Variants in PDZRN4 observed in about 807,000 individuals in gnomAD.
PDZRN4 encodes the protein PDZ domain-containing RING finger protein 4.
A neutral mutation model predicts 99.0 loss-of-function variants in PDZRN4; 70 were observed. The ratio of observed to expected loss-of-function variants is 0.71; its 90% CI spans 0.58 to 0.86. The LOEUF is 0.86. PDZRN4 is among the 40% of genes least tolerant of loss of function. PDZRN4 has a pLI of 0.00. For synonymous variants in PDZRN4, 551 were observed against 501.6 expected (o/e 1.10, Z -1.32); for missense variants, 1,474 against 1,331.2 (o/e 1.11, Z -1.67).
intron 3 of PDZRN4, among the ~76,000 whole-genome samples, chr12:41,319,009 A>G (rs988945472): frequency 2.0e-5 from 3 of 152,174 alleles, no homozygotes; most frequent in Non-Finnish European, 4.4e-5. Context: ...TTTAAACCCT[A>G]GCACGTATGT....
At chr12:41,201,977 A>G (rs533515877) in intron 3 of PDZRN4, among the ~76,000 whole-genome samples, 24 of 152,284 alleles carry the variant, frequency 1.6e-4, no homozygotes, top group African/African-American at 5.3e-4. Context: ...TTGAACTTGA[A>G]CAACCCTGGT....
intron 3 of PDZRN4, among the ~76,000 whole-genome samples, chr12:41,205,298 C>T (rs1950841227): frequency 6.6e-6 from 1 of 151,908 alleles, no homozygotes; most frequent in Non-Finnish European, 1.5e-5. Flanking sequence ...CTGCCTCTCT[C>T]AGCAGCCAGA....
chr12:41,219,278 G>A (rs181336149), intron 3 of PDZRN4, among the ~76,000 whole-genome samples: 6 of 152,028 alleles, frequency 3.9e-5, no homozygotes, highest in Non-Finnish European at 5.9e-5. Context: ...TTCACAGGGA[G>A]CATGATCTCT....
chr12:41,568,378 G>C (rs1939417263), intron 9 of PDZRN4, among the ~76,000 whole-genome samples: 1 of 152,150 alleles, frequency 6.6e-6, no homozygotes, highest in East Asian at 1.9e-4. Flanking sequence ...GATTACACCT[G>C]TATATTCTGA....
At chr12:41,334,698 T>A (rs1951762064) in intron 3 of PDZRN4, among the ~76,000 whole-genome samples, 1 of 152,144 alleles carries the variant, frequency 6.6e-6, no homozygotes, top group African/African-American at 2.4e-5. Context: ...CTAGACTAAC[T>A]GGGGCTGGAT....
At chr12:41,246,751 G>A (rs1438576953) in intron 3 of PDZRN4, among the ~76,000 whole-genome samples, 4 of 152,142 alleles carry the variant, frequency 2.6e-5, no homozygotes, top group Non-Finnish European at 4.4e-5. Flanking sequence ...GTTCAACTCT[G>A]TTATTCTTAA....
chr12:41,544,005 A>G (rs1285461199), intron 5 of PDZRN4, among the ~76,000 whole-genome samples: 1 of 152,230 alleles, frequency 6.6e-6, no homozygotes, highest in African/African-American at 2.4e-5. Flanking sequence ...AAAAACCATG[A>G]ATAAATGCTA....
intron 3 of PDZRN4, among the ~76,000 whole-genome samples, chr12:41,195,719 CT>C (rs1404618421): frequency 6.6e-6 from 1 of 152,128 alleles, no homozygotes; most frequent in African/African-American, 2.4e-5. Flanking sequence ...TCCAGTTCAT[CT>C]TGACAATTTG....
intron 3 of PDZRN4, among the ~76,000 whole-genome samples, chr12:41,286,431 C>A (rs1390679204): frequency 1.3e-5 from 2 of 150,150 alleles, no homozygotes; most frequent in Admixed American, 1.3e-4. Flanking sequence ...ACTCTCCCAA[C>A]CTCCTTAGAG....
At chr12:41,343,545 G>A (rs1306183258) in intron 3 of PDZRN4, among the ~76,000 whole-genome samples, 3 of 151,890 alleles carry the variant, frequency 2.0e-5, no homozygotes, top group Non-Finnish European at 2.9e-5. Flanking sequence ...TATCATGGAA[G>A]AAGAGAATAA....
intron 3 of PDZRN4, among the ~76,000 whole-genome samples, chr12:41,240,163 T>C (rs1363765675): frequency 6.6e-6 from 1 of 152,222 alleles, no homozygotes; most frequent in African/African-American, 2.4e-5. Flanking sequence ...TAATTGAATT[T>C]ACATTAATTG....
In PDZRN4 at chr12:41,188,451, C is replaced by G; in HGVS notation, c.-5C>G. 1 of 1,576,482 alleles carries G rather than the reference C, an allele frequency of 6.3e-7. No individual in the cohort carries two copies. The highest frequency in any genetic ancestry group is 8.6e-7 in the Non-Finnish European group (1 of 1,168,588). On this transcript the variant is annotated 5_prime_UTR_variant, in exon 1 of 10. Coordinates refer to ENST00000402685, the MANE Select transcript of PDZRN4 (RefSeq NM_001164595.2). ...TTCGCTCCCCCTTTCTTCCCCATCCCTAACATGGGCTTTGCCCTGGAGCGC... is the reference window on the plus strand; with the variant it reads ...TTCGCTCCCCCTTTCTTCCCCATCCGTAACATGGGCTTTGCCCTGGAGCGC...
chr12:41,398,223 A>G (rs79043259), intron 3 of PDZRN4, among the ~76,000 whole-genome samples: 56 of 152,284 alleles, frequency 3.7e-4, no homozygotes, highest in African/African-American at 1.2e-3. Context: ...AGATCAGAAG[A>G]CTGGCTGGCA....
Position 41,565,394 on chromosome 12 carries a change from T to C in PDZRN4, c.1467+1745T>C, listed in dbSNP as rs577587134. Among the ~76,000 whole-genome samples the C allele has an allele frequency of 4.0e-5, 6 of 151,054 alleles. No individual in the cohort carries two copies. In the East Asian group the frequency reaches 1.2e-3, roughly 29 times the overall value. Reference sequence around the variant, plus strand: ...GGAAAAGAAATACATTTTAATACCATACTTTTAAAATGTAATTTAATCAGT... The same window carrying C: ...GGAAAAGAAATACATTTTAATACCACACTTTTAAAATGTAATTTAATCAGT... On this transcript the variant is annotated intron_variant, in intron 8 of 9. Transcript: ENST00000402685.
chr12:41,436,160 G>A lies in PDZRN4; in HGVS notation c.844-70296G>A, dbSNP rs74078844. ...TTTCTAATTTGCTAGAAGTCCTGGA[G>A]AACTTTTTTCACACACACTGTTCCC... On this transcript the variant is annotated intron_variant, in intron 3 of 9. Transcript: ENST00000402685. Among the ~76,000 whole-genome samples, 597 of 152,264 alleles carry A rather than the reference G, an allele frequency of 3.9e-3. 2 individuals are homozygous for A. The highest frequency in any genetic ancestry group is 0.014 in the African/African-American group (579 of 41,566).
chr12:41,411,068 T>TATATATATATATATATATATATA (rs1555141008), intron 3 of PDZRN4, among the ~76,000 whole-genome samples: 5 of 83,998 alleles, frequency 6.0e-5, no homozygotes, highest in African/African-American at 3.1e-4. Context: ...TATATATATA[T>TATATATATATATATATATATATA]TTTTTTTTTA....
At chr12:41,195,815 G>T (rs1199939868) in intron 3 of PDZRN4, among the ~76,000 whole-genome samples, 2 of 152,102 alleles carry the variant, frequency 1.3e-5, no homozygotes, top group East Asian at 3.9e-4. Context: ...TTAAACAGAA[G>T]ATTGTCCCTA....
At chr12:41,495,333 T>C (rs1036679550) in intron 3 of PDZRN4, among the ~76,000 whole-genome samples, 1 of 152,110 alleles carries the variant, frequency 6.6e-6, no homozygotes, top group African/African-American at 2.4e-5. Flanking sequence ...CTACTTGGAA[T>C]GCCTTTATAT....
In PDZRN4 at chr12:41,188,614, G is replaced by T; in HGVS notation, c.159G>T (p.Pro53=). 1 of 1,539,474 alleles carries T rather than the reference G, an allele frequency of 6.5e-7. No individual in the cohort carries two copies. Among genetic ancestry groups the T allele is most frequent in the Non-Finnish European group, 8.7e-7 (1 of 1,149,380 alleles). ...LPWAVRRRRC[P]LQCQPLAPGE... ...GGGCGGTGCGGAGGCGCCGGTGCCC[G>T]CTGCAGTGCCAGCCCTTGGCGCCCG... The change falls in exon 1 of 10, where the codon CCG becomes CCT. Residue 53 remains proline (P), a synonymous_variant. Coordinates refer to ENST00000402685, the MANE Select transcript of PDZRN4 (RefSeq NM_001164595.2).
Sources: gnomAD v4.1 joint callset for allele counts (sites outside exome capture counted in the v4.1 genomes callset) on GRCh38, gnomAD v4.1.1 for gene constraint, MANE v1.5 for transcripts, NCBI Gene and HGNC (gene_info 2026-07-23, HGNC 2026-07-21) for gene names.